FRMD6: variants seen among roughly 807,000 people sequenced by gnomAD.
FRMD6 encodes FERM domain-containing protein 6.
In FRMD6, 37 loss-of-function variants were observed where a neutral mutation model predicts 73.2. The ratio of observed to expected loss-of-function variants is 0.51; its 90% confidence interval spans 0.39 to 0.66. FRMD6 has a LOEUF of 0.66. FRMD6 is among the 30% of genes least tolerant of loss of function. FRMD6 has a pLI of 0.00. For synonymous variants in FRMD6, 273 were observed against 282.2 expected (o/e 0.97, Z 0.33); for missense variants, 714 against 780.5 (o/e 0.91, Z 1.02).
intron 1 of FRMD6, among the ~76,000 whole-genome samples, chr14:51,504,053 AT>A (rs1203413821): frequency 6.6e-6 from 1 of 151,942 alleles, no homozygotes; most frequent in Non-Finnish European, 1.5e-5. Context: ...GGTTGTTTGT[AT>A]TTCCGGGGGT....
At chr14:51,683,084 C>T (rs1894914146) in intron 1 of FRMD6, among the ~76,000 whole-genome samples, 1 of 152,216 alleles carries the variant, frequency 6.6e-6, no homozygotes, top group Non-Finnish European at 1.5e-5. Flanking sequence ...GGAGTAACCA[C>T]TTAATATAAT....
intron 2 of FRMD6, among the ~76,000 whole-genome samples, chr14:51,618,106 AG>A (rs1170132357): frequency 6.6e-6 from 1 of 152,154 alleles, no homozygotes; most frequent in African/African-American, 2.4e-5. Context: ...GGGTTTTGAA[AG>A]AGAAGAACCA....
At chr14:51,726,069 TTAGA>T (rs1897938639) in intron 13 of FRMD6, among the ~76,000 whole-genome samples, 199 bp downstream of exon 13, 1 of 152,252 alleles carries the variant, frequency 6.6e-6, no homozygotes, top group African/African-American at 2.4e-5. Flanking sequence ...TGATTTTTAC[TTAGA>T]TAAGTTATAG....
intron 2 of FRMD6, among the ~76,000 whole-genome samples, chr14:51,636,133 G>A (rs1490509525): frequency 2.0e-5 from 3 of 152,202 alleles, no homozygotes; most frequent in East Asian, 1.9e-4. Flanking sequence ...TCAGGTGGTG[G>A]TGAGACAAGA....
chr14:51,532,602 G>T (rs567320376), intron 1 of FRMD6, among the ~76,000 whole-genome samples: 5 of 152,116 alleles, frequency 3.3e-5, no homozygotes, highest in Non-Finnish European at 7.3e-5. Flanking sequence ...AGGTGGAAGT[G>T]TTAACACAAA....
At chr14:51,585,939 G>GTA (rs3060587) in intron 2 of FRMD6, among the ~76,000 whole-genome samples, 6,493 of 31,750 alleles carry the variant, frequency 0.2, 1,348 homozygotes, top group East Asian at 0.39. Context: ...GTGTGTGTGT[G>GTA]TATATATATA....
intron 1 of FRMD6, among the ~76,000 whole-genome samples, chr14:51,550,047 T>C (rs189683295): frequency 5.3e-5 from 8 of 152,304 alleles, no homozygotes; most frequent in Admixed American, 3.9e-4. Context: ...TGTATAGCCT[T>C]AATGATACTT....
At chr14:51,592,497 C>T (rs72673987) in intron 2 of FRMD6, among the ~76,000 whole-genome samples, 8,778 of 152,260 alleles carry the variant, frequency 0.058, 475 homozygotes, top group African/African-American at 0.13. Context: ...CTCTCAAAAA[C>T]TTGCCAGCAG....
chr14:51,518,454 G>A (rs914545788), intron 1 of FRMD6, among the ~76,000 whole-genome samples: 3 of 152,156 alleles, frequency 2.0e-5, no homozygotes, highest in Admixed American at 1.3e-4. Context: ...TCTCAGAAGC[G>A]CATTTCCAGC....
At chr14:51,602,052 G>A (rs1015291962) in intron 2 of FRMD6, among the ~76,000 whole-genome samples, 2 of 110,284 alleles carry the variant, frequency 1.8e-5, no homozygotes, top group Non-Finnish European at 3.9e-5. Flanking sequence ...CCAACATTCC[G>A]TTAGCCTCAC....
chr14:51,657,437 A>G (rs534346401), intron 1 of FRMD6, among the ~76,000 whole-genome samples: 2 of 152,280 alleles, frequency 1.3e-5, no homozygotes, highest in African/African-American at 4.8e-5. Flanking sequence ...TTAGTTTTAA[A>G]CTGTTTTTGG....
chr14:51,469,535 C>T, the FRMD6 span, among the ~76,000 whole-genome samples: 1 of 149,158 alleles, frequency 6.7e-6, no homozygotes, highest in African/African-American at 2.5e-5. Flanking sequence ...ATGGCGTGAA[C>T]CCGGGAGGCG....
intron 2 of FRMD6, among the ~76,000 whole-genome samples, chr14:51,622,873 G>A (rs564787319): frequency 5.3e-5 from 8 of 152,124 alleles, no homozygotes; most frequent in Non-Finnish European, 1.0e-4. Flanking sequence ...TCAAGCGATC[G>A]TCCCATCTCA....
At chr14:51,489,546 G>T (rs910030416) in intron 1 of FRMD6, 8 of 152,288 alleles carry the variant, frequency 5.3e-5, no homozygotes, top group Admixed American at 5.2e-4. Flanking sequence ...TGATTTGTCT[G>T]CAAACCAGCC....
upstream of FRMD6, among the ~76,000 whole-genome samples, chr14:51,647,199 T>C: frequency 6.6e-6 from 1 of 152,338 alleles, no homozygotes; most frequent in East Asian, 1.9e-4. Flanking sequence ...GAATAGAATT[T>C]AATGAATTTA....
chr14:51,524,694 A>C (rs1885138608), intron 1 of FRMD6, among the ~76,000 whole-genome samples: 1 of 152,308 alleles, frequency 6.6e-6, no homozygotes, highest in Admixed American at 6.5e-5. Context: ...TTAGGGATAG[A>C]AAAGGGAAAG....
chr14:51,660,873 A>C (rs558936900), intron 1 of FRMD6, among the ~76,000 whole-genome samples: 127 of 152,198 alleles, frequency 8.3e-4, no homozygotes, highest in African/African-American at 3.0e-3. Flanking sequence ...TAGCTGGGGG[A>C]AAAGTGTTGC....
At chr14:51,433,891 G>A in the FRMD6 span, among the ~76,000 whole-genome samples, 1 of 152,174 alleles carries the variant, frequency 6.6e-6, no homozygotes. Flanking sequence ...ATAGTATTTT[G>A]ACTATATACT....
At chr14:51,595,119 A>C (rs1889638833) in intron 2 of FRMD6, among the ~76,000 whole-genome samples, 1 of 152,202 alleles carries the variant, frequency 6.6e-6, no homozygotes. Flanking sequence ...ACATGGACCA[A>C]TGAGCCAAAA....
Sources: gnomAD v4.1 joint callset for allele counts (sites outside exome capture counted in the v4.1 genomes callset) on GRCh38, gnomAD v4.1.1 for gene constraint, MANE v1.5 for transcripts, NCBI Gene and HGNC (gene_info 2026-07-23, HGNC 2026-07-21) for gene names.